The following KLHL7 variants were observed in gnomAD, a reference collection of about 807,000 sequenced individuals.
KLHL7 encodes kelch-like protein 7.
KLHL7 carries 44 observed loss-of-function variants against 67.4 expected under a neutral mutation model. That is an observed-to-expected ratio of 0.65 (90% CI 0.51 to 0.84). The LOEUF (loss-of-function observed/expected upper bound fraction) is 0.84. Among genes scored for constraint, KLHL7 ranks in the 40% least tolerant of loss-of-function variants. The pLI, the probability that KLHL7 is intolerant of heterozygous loss-of-function variation, is 0.00. For synonymous variants in KLHL7, 252 were observed against 243.3 expected (o/e 1.04, Z -0.33); for missense variants, 362 against 718.1 (o/e 0.50, Z 5.67).
chr7:23,136,071 A>C (rs75691193), intron 4 of KLHL7, among the ~76,000 whole-genome samples: 185 of 152,306 alleles, frequency 1.2e-3, no homozygotes, highest in Non-Finnish European at 2.3e-3. Flanking sequence ...CATGAGAAGA[A>C]GGCTAGAGAC....
At position 23,177,435 on chromosome 7, in the gene KLHL7, T is replaced by C. The variant is rs528740836; in HGVS notation, c.*3137T>C. 6.6e-6 allele frequency: 1 copy of C among 152,366 alleles called. No homozygotes were observed. The highest frequency in any genetic ancestry group is 2.4e-5 in the African/African-American group (1 of 41,592). The allele number at this position is 152,366 out of a possible 1,614,324, so 9.4% of individuals were successfully genotyped here. ...ACATACACAGGTTTGATGTGGATTATAATGAAGTGGTTTTTTTCCTTAGTA... is the reference window on the plus strand; with the variant it reads ...ACATACACAGGTTTGATGTGGATTACAATGAAGTGGTTTTTTTCCTTAGTA... On this transcript the variant is annotated 3_prime_UTR_variant, in exon 11 of 11. Transcript: ENST00000339077.
At chr7:23,123,755 T>C in intron 1 of KLHL7, 22 bp from the exon 2 acceptor site, 1 of 1,541,952 alleles carries the variant, frequency 6.5e-7, no homozygotes, top group South Asian at 1.1e-5. Context: ...CTTTTTATTT[T>C]ATGTATTTTT....
At chr7:23,160,720 A>G (rs140239330) in intron 7 of KLHL7, among the ~76,000 whole-genome samples, 1 of 152,298 alleles carries the variant, frequency 6.6e-6, no homozygotes, top group African/African-American at 2.4e-5. Context: ...TATTTTTCCT[A>G]ATGGCTAATT....
intron 1 of KLHL7, among the ~76,000 whole-genome samples, chr7:23,110,913 G>A (rs1225065701): frequency 6.6e-6 from 1 of 151,560 alleles, no homozygotes; most frequent in African/African-American, 2.4e-5. Context: ...AGTTCAATTT[G>A]GCTTCCAAGT....
Position 23,174,648 on chromosome 7 carries a change from T to G in KLHL7, c.*350T>G, listed in dbSNP as rs1785253482. The G allele has an allele frequency of 4.3e-6, 2 of 467,512 alleles. No homozygotes were observed. Among genetic ancestry groups the G allele is most frequent in the South Asian group, 3.1e-5 (2 of 64,598 alleles). The allele number at this position is 467,512 out of a possible 1,614,324, so 29.0% of individuals were successfully genotyped here. On this transcript the variant is annotated 3_prime_UTR_variant, in exon 11 of 11. Coordinates refer to ENST00000339077, the MANE Select transcript of KLHL7 (RefSeq NM_001031710.3). The stretch of plus-strand genomic sequence containing the variant: ...GCAGTATCTTAGCTCTAGATTCTAT[T>G]TTCATGCATCACAGAAGTGCTATAC...
In KLHL7 at chr7:23,177,595, CCT is replaced by C. The variant is rs1242468269; in HGVS notation, c.*3298_*3299del. 1 of 152,088 alleles carries C rather than the reference CCT, an allele frequency of 6.6e-6. No homozygotes were observed. Among genetic ancestry groups the C allele is most frequent in the Non-Finnish European group, 1.5e-5 (1 of 68,014 alleles). The allele number at this position is 152,088 out of a possible 1,614,324, so 9.4% of individuals were successfully genotyped here. A position where few individuals can be genotyped will look rare whatever the true frequency, so the allele number is the denominator to read the frequency against. On this transcript the variant is annotated 3_prime_UTR_variant, in exon 11 of 11. Transcript: ENST00000339077. Reference sequence around the variant, plus strand: ...TTTTCTATTTTGTTGCCCAAAACTCCCTGTCCTGTAAAGTGCTCTGCTTGCTT... The same window carrying C: ...TTTTCTATTTTGTTGCCCAAAACTCCGTCCTGTAAAGTGCTCTGCTTGCTT...
At chr7:23,127,373 G>A (rs1202141930) in intron 4 of KLHL7, among the ~76,000 whole-genome samples, 1 of 152,068 alleles carries the variant, frequency 6.6e-6, no homozygotes, top group Non-Finnish European at 1.5e-5. Flanking sequence ...GGACAGCCCC[G>A]CCACCTAGAA....
chr7:23,123,664 T>C (rs2128459988), intron 1 of KLHL7, 113 bp from the exon 2 acceptor site: 1 of 718,082 alleles, frequency 1.4e-6, no homozygotes, highest in Non-Finnish European at 2.4e-6. Context: ...TGGAAAAAGA[T>C]TGGCTTTAAA....
intron 9 of KLHL7, among the ~76,000 whole-genome samples, chr7:23,172,518 A>G (rs1415260115): frequency 1.3e-5 from 2 of 152,368 alleles, no homozygotes; most frequent in East Asian, 1.9e-4. Context: ...ACTTACGCAT[A>G]TATAAATAAT....
At chr7:23,121,078 A>C (rs558351528) in intron 1 of KLHL7, among the ~76,000 whole-genome samples, 1 of 152,316 alleles carries the variant, frequency 6.6e-6, no homozygotes, top group Admixed American at 6.5e-5. Context: ...ATGAGTGAGA[A>C]CATGTAGCAT....
intron 4 of KLHL7, among the ~76,000 whole-genome samples, chr7:23,137,005 C>A (rs1430558272): frequency 6.6e-6 from 1 of 152,164 alleles, no homozygotes; most frequent in Non-Finnish European, 1.5e-5. Flanking sequence ...ATAGATTAGG[C>A]CAGGTGCAGT....
At chr7:23,118,406 C>T (rs904900325) in intron 1 of KLHL7, among the ~76,000 whole-genome samples, 2 of 152,220 alleles carry the variant, frequency 1.3e-5, no homozygotes, top group Non-Finnish European at 2.9e-5. Context: ...AACTTACCCA[C>T]CCAGTCTGAG....
chr7:23,120,766 A>G (rs1044550610), intron 1 of KLHL7, among the ~76,000 whole-genome samples: 1 of 152,082 alleles, frequency 6.6e-6, no homozygotes, highest in East Asian at 1.9e-4. Context: ...GGGTCTCACT[A>G]TGTTGCCTAG....
chr7:23,144,109 C>G (rs1360011618), intron 6 of KLHL7, 84 bp downstream of exon 6: 16 of 1,147,770 alleles, frequency 1.4e-5, no homozygotes, highest in Middle Eastern at 2.8e-4. Flanking sequence ...GGATTAGACT[C>G]AGTAGCCAGG....
At chr7:23,108,854 T>C (rs1034963) in intron 1 of KLHL7, among the ~76,000 whole-genome samples, 65,052 of 152,140 alleles carry the variant, frequency 0.43, 15,197 homozygotes, top group African/African-American at 0.62. Context: ...ATCTGTGCTG[T>C]GTGTAGCGCT....
rs528603075 is a variant in KLHL7 at position 23,176,439 on chromosome 7, C to T, written c.*2141C>T. The stretch of plus-strand genomic sequence containing the variant: ...AGGAGCCAGACACAGTGGCTCAGGC[C>T]GGTAATTTCAACACTTTGGGAGGTG... On this transcript the variant is annotated 3_prime_UTR_variant, in exon 11 of 11. Coordinates refer to ENST00000339077, the MANE Select transcript of KLHL7 (RefSeq NM_001031710.3). 2.6e-5 allele frequency: 4 copies of T among 152,182 alleles called. No individual in the cohort carries two copies. Among genetic ancestry groups the T allele is most frequent in the Non-Finnish European group, 4.4e-5 (3 of 68,050 alleles). The allele number at this position is 152,182 out of a possible 1,614,324, so 9.4% of individuals were successfully genotyped here. A position where few individuals can be genotyped will look rare whatever the true frequency, so the allele number is the denominator to read the frequency against.
At chr7:23,126,096 A>C (rs1783564066) in intron 4 of KLHL7, 6 of 556,834 alleles carry the variant, frequency 1.1e-5, no homozygotes, top group Non-Finnish European at 2.0e-5. Flanking sequence ...ATTAAGTAAA[A>C]TAAGGGTTAC....
At chr7:23,171,866 C>T (rs943153136) in intron 9 of KLHL7, among the ~76,000 whole-genome samples, 3 of 152,156 alleles carry the variant, frequency 2.0e-5, no homozygotes, top group African/African-American at 7.2e-5. Context: ...CCTGCCGCCA[C>T]GCCTGGCTAA....
At chr7:23,149,834 GT>G (rs1169413124) in intron 6 of KLHL7, among the ~76,000 whole-genome samples, 1 of 152,216 alleles carries the variant, frequency 6.6e-6, no homozygotes, top group Non-Finnish European at 1.5e-5. Context: ...ATATCCAGCT[GT>G]TTGAATGCAA....
Sources: allele counts gnomAD v4.1 joint callset (sites outside exome capture counted in the v4.1 genomes callset), GRCh38; gene constraint gnomAD v4.1.1; transcripts MANE v1.5; gene names NCBI Gene and HGNC (gene_info 2026-07-23, HGNC 2026-07-21).